The following CAMK1D variants were observed in gnomAD, a reference collection of about 807,000 sequenced individuals.
The protein encoded by CAMK1D is calcium/calmodulin dependent protein kinase ID.
In CAMK1D, 9 loss-of-function variants were observed where a neutral mutation model predicts 47.7. The ratio of observed to expected loss-of-function variants is 0.19; its 90% confidence interval spans 0.11 to 0.33. CAMK1D has a LOEUF of 0.33. Among genes scored for constraint, CAMK1D ranks in the 10% least tolerant of loss-of-function variants. The probability of loss-of-function intolerance (pLI) is 1.00; values close to 1 mark genes in which losing one functional copy is unlikely to be tolerated. For synonymous variants in CAMK1D, 184 were observed against 184.9 expected, an observed-to-expected ratio of 0.99 and a Z score of 0.04; for missense variants, 291 against 488.7, an observed-to-expected ratio of 0.60 and a Z score of 3.81.
At chr10:12,457,896 G>T (rs573950925) in intron 1 of CAMK1D, among the ~76,000 whole-genome samples, 2 of 152,046 alleles carry the variant, frequency 1.3e-5, no homozygotes, top group East Asian at 1.9e-4. Context: ...ATGCTCTTCT[G>T]TCTGAGGCAC....
At chr10:12,524,685 C>T (rs11257862) in intron 1 of CAMK1D, among the ~76,000 whole-genome samples, 77,262 of 151,400 alleles carry the variant, frequency 0.51, 19,890 homozygotes, top group South Asian at 0.62. Context: ...CCAGCCTGGG[C>T]GACAGAGTGA....
chr10:12,741,825 A>G (rs1180758905), intron 3 of CAMK1D, among the ~76,000 whole-genome samples: 1 of 152,150 alleles, frequency 6.6e-6, no homozygotes, highest in African/African-American at 2.4e-5. Context: ...TTTGGAACTG[A>G]GACGGCCCTG....
At position 12,387,394 on chromosome 10, in the gene CAMK1D, ATAT is replaced by A. The variant is rs1564306918; in HGVS notation, c.92+37486_92+37488del. Among the ~76,000 whole-genome samples, 192 of 45,110 alleles carry A rather than the reference ATAT, an allele frequency of 4.3e-3. 1 individual carries two copies. The highest frequency in any genetic ancestry group is 0.025 in the East Asian group (24 of 942). 29.6% of individuals were successfully genotyped at this position (45,110 alleles called of 152,430 possible). A position where few individuals can be genotyped will look rare whatever the true frequency, so the allele number is the denominator to read the frequency against. On this transcript the variant is annotated intron_variant, in intron 1 of 10. Transcript: ENST00000619168. ...ATATATTATATATTATATATATTAT[ATAT>A]TTTTATATATTATATATATTTTATA...
At position 12,554,211 on chromosome 10, in the gene CAMK1D, A is replaced by G. The variant is rs11257881; in HGVS notation, c.224+855A>G. On this transcript the variant is annotated intron_variant, in intron 2 of 10. Coordinates refer to ENST00000619168, the MANE Select transcript of CAMK1D (RefSeq NM_153498.4). ...CTCGCTCTGTTGCCCAGGCTGGAGT[A>G]CAATGGCGCAATCTCAGCTCACTGC... Among the ~76,000 whole-genome samples the G allele has an allele frequency of 4.1e-3, 292 of 71,684 alleles. 8 individuals are homozygous for G. Among genetic ancestry groups the G allele is most frequent in the Middle Eastern group, 0.01 (2 of 192 alleles). The allele number at this position is 71,684 out of a possible 152,430, so 47.0% of individuals were successfully genotyped here. A position where few individuals can be genotyped will look rare whatever the true frequency, so the allele number is the denominator to read the frequency against.
intron 3 of CAMK1D, among the ~76,000 whole-genome samples, chr10:12,709,286 G>A (rs915046363): frequency 9.9e-5 from 15 of 151,982 alleles, no homozygotes; most frequent in African/African-American, 3.6e-4. Flanking sequence ...ATTCTTGGCT[G>A]AGAAAATGTG....
chr10:12,424,442 C>A (rs1840158346), intron 1 of CAMK1D, among the ~76,000 whole-genome samples: 1 of 152,070 alleles, frequency 6.6e-6, no homozygotes, highest in Non-Finnish European at 1.5e-5. Context: ...CAATTTAAAT[C>A]TCTTGACCCT....
intron 1 of CAMK1D, among the ~76,000 whole-genome samples, chr10:12,462,381 G>C (rs1032135648): frequency 1.3e-5 from 2 of 151,708 alleles, no homozygotes; most frequent in East Asian, 3.9e-4. Flanking sequence ...AGCCAGGATG[G>C]TCTCCATCTC....
intron 2 of CAMK1D, among the ~76,000 whole-genome samples, chr10:12,635,792 A>C (rs1839498182): frequency 6.6e-6 from 1 of 152,068 alleles, no homozygotes; most frequent in South Asian, 2.1e-4. Flanking sequence ...CCTTCTAAAA[A>C]AAATGTGATT....
chr10:12,817,615 G>A (rs548679862), intron 8 of CAMK1D, among the ~76,000 whole-genome samples: 22 of 152,266 alleles, frequency 1.4e-4, no homozygotes, highest in East Asian at 7.7e-4. Context: ...AAGAAATACC[G>A]GAGATAATGC....
chr10:12,827,224 CTTCT>C lies in CAMK1D; in HGVS notation c.1039+1538_1040-1538del, dbSNP rs1833242850. Among the ~76,000 whole-genome samples, 4 of 146,546 alleles carry C rather than the reference CTTCT, an allele frequency of 2.7e-5. No homozygotes were observed. The South Asian group carries it at 6.6e-4, about 24-fold the overall frequency. ...CCTGCCTCCCTCCTTCCTTTCCTTC[CTTCT>C]TTCCTTCCCTCCCTCCCTTCTTTCT... On this transcript the variant is annotated intron_variant, in intron 10 of 10. Transcript: ENST00000619168.
At position 12,611,588 on chromosome 10, in the gene CAMK1D, C is replaced by CTTTTTTTTTTTTTTTTTTTTTTTTTTT. The variant is rs71386105; in HGVS notation, c.225-55127_225-55126insTTTTTTTTTTTTTTTTTTTTTTTTTTT. ...CAGTTCCCTGAATGTTTCAGAATGC[C>CTTTTTTTTTTTTTTTTTTTTTTTTTTT]TTTTTTTTTTTTTTTTTTTTTGAGA... On this transcript the variant is annotated intron_variant, in intron 2 of 10. Coordinates refer to ENST00000619168, the MANE Select transcript of CAMK1D (RefSeq NM_153498.4). Among the ~76,000 whole-genome samples the CTTTTTTTTTTTTTTTTTTTTTTTTTTT allele has an allele frequency of 1.5e-4, 9 of 59,906 alleles. 2 individuals carry two copies. Among genetic ancestry groups the CTTTTTTTTTTTTTTTTTTTTTTTTTTT allele is most frequent in the Non-Finnish European group, 2.6e-4 (8 of 30,388 alleles). The allele number at this position is 59,906 out of a possible 152,430, so 39.3% of individuals were successfully genotyped here.
At chr10:12,652,221 C>T (rs1274281557) in intron 2 of CAMK1D, among the ~76,000 whole-genome samples, 1 of 152,132 alleles carries the variant, frequency 6.6e-6, no homozygotes, top group East Asian at 1.9e-4. Flanking sequence ...CCCTTGCCCC[C>T]ATCTTTATTC....
chr10:12,510,421 A>AT (rs899421004), intron 1 of CAMK1D, among the ~76,000 whole-genome samples: 27 of 152,096 alleles, frequency 1.8e-4, no homozygotes, highest in African/African-American at 6.3e-4. Flanking sequence ...GTCTAAAAAA[A>AT]AATAATAATA....
At chr10:12,403,891 T>A (rs1839318736) in intron 1 of CAMK1D, among the ~76,000 whole-genome samples, 1 of 151,876 alleles carries the variant, frequency 6.6e-6, no homozygotes, top group Admixed American at 6.6e-5. Flanking sequence ...GACTCATCCA[T>A]GTCACAGAGC....
chr10:12,730,805 C>T (rs997391222), intron 3 of CAMK1D, among the ~76,000 whole-genome samples: 1 of 152,168 alleles, frequency 6.6e-6, no homozygotes, highest in Non-Finnish European at 1.5e-5. Flanking sequence ...AGGATGAGGA[C>T]TGAGAACTGA....
chr10:12,756,208 C>G (rs1836221441), intron 3 of CAMK1D, among the ~76,000 whole-genome samples: 1 of 152,178 alleles, frequency 6.6e-6, no homozygotes, highest in Non-Finnish European at 1.5e-5. Context: ...GAAGTGCTCC[C>G]TTTTAATGAA....
Position 12,618,943 on chromosome 10 carries a change from G to A in CAMK1D, c.225-47793G>A, listed in dbSNP as rs371454486. ...GTGGCTAAGTAAATTGCCTAAGCAT[G>A]CACAGCAAAGATGGTGGCAGTGCTG... On this transcript the variant is annotated intron_variant, in intron 2 of 10. Transcript: ENST00000619168. Among the ~76,000 whole-genome samples the A allele has an allele frequency of 1.4e-4, 21 of 152,320 alleles. 2 individuals carry two copies. The highest frequency in any genetic ancestry group is 9.8e-4 in the Admixed American group (15 of 15,302).
intron 1 of CAMK1D, among the ~76,000 whole-genome samples, chr10:12,504,575 A>G (rs2132148860): frequency 6.6e-6 from 1 of 152,304 alleles, no homozygotes; most frequent in East Asian, 1.9e-4. Flanking sequence ...TCTCTTCCAG[A>G]AACAGCCTCA....
intron 2 of CAMK1D, among the ~76,000 whole-genome samples, chr10:12,618,414 A>T (rs1838889916): frequency 6.6e-6 from 1 of 152,172 alleles, no homozygotes; most frequent in South Asian, 2.1e-4. Context: ...TTCATTGTTT[A>T]TAGCTGCTTT....
Sources: allele counts gnomAD v4.1 joint callset (sites outside exome capture counted in the v4.1 genomes callset), GRCh38; gene constraint gnomAD v4.1.1; transcripts MANE v1.5; gene names NCBI Gene and HGNC (gene_info 2026-07-23, HGNC 2026-07-21).